Variants in NEIL3 observed in about 807,000 individuals in gnomAD.
NEIL3 encodes endonuclease 8-like 3.
A neutral mutation model predicts 57.5 loss-of-function variants in NEIL3; 48 were observed. The ratio of observed to expected loss-of-function variants is 0.83; its 90% CI spans 0.66 to 1.06. The LOEUF (loss-of-function observed/expected upper bound fraction) is 1.06. Ranked by LOEUF, NEIL3 falls within the 50% of genes least tolerant of loss-of-function variation. The pLI, the probability that NEIL3 is intolerant of heterozygous loss-of-function variation, is 0.00. For missense variants in NEIL3, 717 were observed against 739.1 expected (o/e 0.97, Z 0.35); for synonymous variants, 261 against 253.2 (o/e 1.03, Z -0.29).
At chr4:177,312,383 G>C (rs1464704294) in intron 1 of NEIL3, among the ~76,000 whole-genome samples, 1 of 152,176 alleles carries the variant, frequency 6.6e-6, no homozygotes, top group African/African-American at 2.4e-5. Context: ...ACAACGGTAA[G>C]AACACCATAA....
At chr4:177,316,131 TATGAC>T (rs1310417986) in intron 1 of NEIL3, among the ~76,000 whole-genome samples, 1 of 152,196 alleles carries the variant, frequency 6.6e-6, no homozygotes, top group Non-Finnish European at 1.5e-5. Context: ...ATAGAACAGT[TATGAC>T]ATACTGTAAT....
intron 1 of NEIL3, among the ~76,000 whole-genome samples, chr4:177,318,341 T>C (rs1734612797): frequency 6.6e-6 from 1 of 152,108 alleles, no homozygotes; most frequent in Non-Finnish European, 1.5e-5. Flanking sequence ...ACCTGAAATG[T>C]ATGTCATATG....
intron 1 of NEIL3, among the ~76,000 whole-genome samples, chr4:177,313,529 G>A (rs896271330): frequency 2.0e-5 from 3 of 152,166 alleles, no homozygotes; most frequent in African/African-American, 7.2e-5. Context: ...CTTATGGTAA[G>A]AAACAATATT....
downstream of NEIL3, among the ~76,000 whole-genome samples, chr4:177,365,381 AAAAT>A (rs1735679896): frequency 6.6e-6 from 1 of 152,222 alleles, no homozygotes; most frequent in Non-Finnish European, 1.5e-5. Context: ...AGTGGGTTGG[AAAAT>A]GAATGAATGT....
At position 177,351,453 on chromosome 4, in the gene NEIL3, C is replaced by T. The variant is rs141868607; in HGVS notation, c.943C>T (p.Arg315Trp). The change falls in exon 7 of 10, where the codon CGG becomes TGG. Residue 315 changes from arginine (R) to tryptophan (W), a missense_variant. Arg to Trp is a moderately radical substitution (Grantham distance 101). Coordinates refer to ENST00000264596, the MANE Select transcript of NEIL3 (RefSeq NM_018248.3). ...RVDHVMDSVA[R>W]KSEEHWTCVV... ...GGATCATGTTATGGACTCCGTGGCT[C>T]GGAAGTCGGAAGAGCACTGGACCTG... 2.4e-4 allele frequency: 382 copies of T among 1,613,766 alleles called. No homozygotes were observed. Among genetic ancestry groups the T allele is most frequent in the Middle Eastern group, 3.3e-4 (2 of 6,060 alleles).
intron 1 of NEIL3, among the ~76,000 whole-genome samples, chr4:177,312,649 C>A (rs555378008): frequency 6.6e-6 from 1 of 152,128 alleles, no homozygotes; most frequent in Admixed American, 6.5e-5. Context: ...ATAAGTTATA[C>A]CCCACACATA....
chr4:177,319,737 C>CAG (rs1734641161), intron 1 of NEIL3, among the ~76,000 whole-genome samples: 1 of 152,026 alleles, frequency 6.6e-6, no homozygotes, highest in African/African-American at 2.4e-5. Flanking sequence ...AAATTCTTTC[C>CAG]TACCGAAGAA....
At chr4:177,326,725 C>T (rs753603853) in intron 2 of NEIL3, among the ~76,000 whole-genome samples, 7 of 151,934 alleles carry the variant, frequency 4.6e-5, no homozygotes, top group Non-Finnish European at 8.8e-5. Context: ...TCCTTCATTT[C>T]TTTATCAGTA....
chr4:177,337,164 G>A (rs972654218), intron 4 of NEIL3, among the ~76,000 whole-genome samples: 4 of 152,000 alleles, frequency 2.6e-5, no homozygotes, highest in African/African-American at 4.8e-5. Context: ...ATATAGCAAT[G>A]TTCTAAGAGG....
At chr4:177,348,264 G>C (rs1444979560) in intron 6 of NEIL3, among the ~76,000 whole-genome samples, 2 of 152,254 alleles carry the variant, frequency 1.3e-5, no homozygotes, top group Non-Finnish European at 2.9e-5. Flanking sequence ...CATGCTGCTG[G>C]CCTGAGGACT....
At position 177,353,520 on chromosome 4, in the gene NEIL3, A is replaced by C; in HGVS notation, c.1252A>C (p.Asn418His). 1.2e-6 allele frequency: 2 copies of C among 1,613,414 alleles called. No homozygotes were observed. The highest frequency in any genetic ancestry group is 1.7e-6 in the Non-Finnish European group (2 of 1,179,488). The change falls in exon 8 of 10, where the codon AAC (asparagine) becomes CAC (histidine). Residue 418 changes from asparagine (N) to histidine (H), a missense_variant. Physicochemically the swap from Asn to His is moderately conservative, Grantham distance 68. Coordinates refer to ENST00000264596, the MANE Select transcript of NEIL3 (RefSeq NM_018248.3). ...QNQILDEEFQNSPPASVCLND... is the reference protein window; with the variant it reads ...QNQILDEEFQHSPPASVCLND... Reference sequence around the variant, plus strand: ...CCAGATACTAGATGAGGAGTTTCAAAACTCTCCTCCTGCTAGTGTTTGTTT... The same window carrying C: ...CCAGATACTAGATGAGGAGTTTCAACACTCTCCTCCTGCTAGTGTTTGTTT...
At chr4:177,352,684 G>T (rs1305323064) in intron 7 of NEIL3, among the ~76,000 whole-genome samples, 1 of 152,014 alleles carries the variant, frequency 6.6e-6, no homozygotes, top group Non-Finnish European at 1.5e-5. Flanking sequence ...CAAAAAATTA[G>T]CCAGGCGTGC....
chr4:177,351,942 G>A (rs1300176479), intron 7 of NEIL3, among the ~76,000 whole-genome samples: 1 of 152,278 alleles, frequency 6.6e-6, no homozygotes, highest in Middle Eastern at 3.4e-3. Context: ...TCTCTTTGCA[G>A]GTGGAATAGA....
chr4:177,320,538 C>T (rs549302449), intron 1 of NEIL3, among the ~76,000 whole-genome samples: 4 of 126,738 alleles, frequency 3.2e-5, no homozygotes, highest in Admixed American at 3.0e-4. Context: ...TGTGCAGTGG[C>T]GTGATCTCGG....
At chr4:177,342,779 A>G (rs1735122681) in intron 6 of NEIL3, among the ~76,000 whole-genome samples, 1 of 152,254 alleles carries the variant, frequency 6.6e-6, no homozygotes, top group Non-Finnish European at 1.5e-5. Context: ...ACTCATTAAT[A>G]AACATGGCAT....
At position 177,362,491 on chromosome 4, in the gene NEIL3, ATT is replaced by A; in HGVS notation, c.*22_*23del. ...TGCTAATATCTGTAGATTCTCTGGC[ATT>A]TAGTCTCTTCAAACTGTGTATAATG... On this transcript the variant is annotated 3_prime_UTR_variant, in exon 10 of 10. Transcript: ENST00000264596. The A allele has an allele frequency of 6.3e-7, 1 of 1,582,848 alleles. No homozygotes were observed. The highest frequency in any genetic ancestry group is 2.2e-5 in the East Asian group (1 of 44,652).
intron 2 of NEIL3, 145 bp downstream of exon 2, chr4:177,322,725 A>G: frequency 1.2e-6 from 1 of 864,874 alleles, no homozygotes; most frequent in African/African-American, 1.7e-5. Flanking sequence ...TTGTGATTCT[A>G]TCATGGAAAT....
chr4:177,370,103 T>C, the NEIL3 span, among the ~76,000 whole-genome samples: 84,738 of 151,932 alleles, frequency 0.56, 24,859 homozygotes, highest in Middle Eastern at 0.68. Flanking sequence ...AAAATAAAAG[T>C]ATTTGGAAGA....
chr4:177,351,455 G>A lies in NEIL3; in HGVS notation c.945G>A (p.Arg315=). 1.2e-6 allele frequency: 2 copies of A among 1,613,896 alleles called. No homozygotes were observed. Among genetic ancestry groups the A allele is most frequent in the Admixed American group, 1.7e-5 (1 of 60,012 alleles). ...RVDHVMDSVA[R]KSEEHWTCVV... ...ATCATGTTATGGACTCCGTGGCTCGGAAGTCGGAAGAGCACTGGACCTGTG... is the reference window on the plus strand; with the variant it reads ...ATCATGTTATGGACTCCGTGGCTCGAAAGTCGGAAGAGCACTGGACCTGTG... Residue 315 remains arginine (R), a synonymous_variant, in exon 7 of 10, where the codon CGG becomes CGA. Coordinates refer to ENST00000264596, the MANE Select transcript of NEIL3 (RefSeq NM_018248.3).
Sources: allele counts gnomAD v4.1 joint callset (sites outside exome capture counted in the v4.1 genomes callset), GRCh38; gene constraint gnomAD v4.1.1; transcripts MANE v1.5; gene names NCBI Gene and HGNC (gene_info 2026-07-23, HGNC 2026-07-21).